ADAMTS12: variants seen among roughly 807,000 people sequenced by gnomAD.
The protein encoded by ADAMTS12 is ADAM metallopeptidase with thrombospondin type 1 motif 12.
ADAMTS12 carries 118 observed loss-of-function variants against 167.8 expected under a neutral mutation model. The ratio of observed to expected loss-of-function variants is 0.70; its 90% CI spans 0.61 to 0.82. The LOEUF (loss-of-function observed/expected upper bound fraction) is 0.82, where lower values mean the gene tolerates loss of function less well. ADAMTS12 is among the 40% of genes least tolerant of loss of function. The pLI is 0.00. For synonymous variants in ADAMTS12, 704 were observed against 716.9 expected, an observed-to-expected ratio of 0.98 and a Z score of 0.29; for missense variants, 1,916 against 1,998.8, an observed-to-expected ratio of 0.96 and a Z score of 0.79.
intron 17 of ADAMTS12, among the ~76,000 whole-genome samples, chr5:33,594,806 G>A (rs924858443): frequency 2.6e-5 from 4 of 152,154 alleles, no homozygotes; most frequent in African/African-American, 9.7e-5. Flanking sequence ...TCTGGGTCCT[G>A]CCTGTTTGGA....
chr5:33,752,905 A>C (rs371695087), intron 2 of ADAMTS12, among the ~76,000 whole-genome samples: 1 of 152,222 alleles, frequency 6.6e-6, no homozygotes, highest in African/African-American at 2.4e-5. Context: ...GTCTTTCCAA[A>C]ATGTTTGCTT....
chr5:33,622,679 A>G (rs1307821410), intron 14 of ADAMTS12, among the ~76,000 whole-genome samples: 1 of 152,170 alleles, frequency 6.6e-6, no homozygotes, highest in East Asian at 1.9e-4. Flanking sequence ...AACAAAAACG[A>G]AAAAACAGGT....
chr5:33,643,294 T>A (rs1740534227), intron 10 of ADAMTS12, 84 bp downstream of exon 10: 3 of 1,372,506 alleles, frequency 2.2e-6, no homozygotes, highest in Non-Finnish European at 2.1e-6. Flanking sequence ...TTAGAGAGAG[T>A]TGCCCTCTAG....
intron 18 of ADAMTS12, among the ~76,000 whole-genome samples, chr5:33,583,933 C>T (rs919716076): frequency 1.3e-5 from 2 of 152,142 alleles, no homozygotes; most frequent in Non-Finnish European, 2.9e-5. Flanking sequence ...GAAATTCCAA[C>T]AGAATGAGAA....
intron 3 of ADAMTS12, among the ~76,000 whole-genome samples, chr5:33,728,229 C>T (rs1048282437): frequency 1.3e-5 from 2 of 152,132 alleles, no homozygotes; most frequent in Non-Finnish European, 2.9e-5. Flanking sequence ...CATTATCCCA[C>T]TCGGGATGTT....
intron 16 of ADAMTS12, among the ~76,000 whole-genome samples, chr5:33,610,208 C>CA (rs60389855): frequency 9.2e-5 from 14 of 151,876 alleles, no homozygotes; most frequent in African/African-American, 3.4e-4. Flanking sequence ...ACAGCAACAA[C>CA]AAAAAAGAAA....
chr5:33,771,210 G>C (rs868782176), intron 2 of ADAMTS12, among the ~76,000 whole-genome samples: 1 of 152,130 alleles, frequency 6.6e-6, no homozygotes, highest in Non-Finnish European at 1.5e-5. Context: ...TGTCTGTTTA[G>C]TGATGACTGT....
chr5:33,890,676 G>C (rs138140134), intron 1 of ADAMTS12, among the ~76,000 whole-genome samples: 1 of 152,310 alleles, frequency 6.6e-6, no homozygotes, highest in East Asian at 1.9e-4. Context: ...TGCTAACCCA[G>C]TGCTCTGTGT....
rs980008327 is a variant in ADAMTS12 at position 33,587,766 on chromosome 5, C to T, written c.2865+833G>A. Among the ~76,000 whole-genome samples the T allele has an allele frequency of 5.9e-5, 9 of 152,188 alleles. 1 individual carries two copies. Among genetic ancestry groups the T allele is most frequent in the Admixed American group, 2.0e-4 (3 of 15,280 alleles). ...GTGGTAGCATTATCATGGAAGCATA[C>T]GGCTTCTCAAGGAAGCTCGTAAGAT... On this transcript the variant is annotated intron_variant, in intron 18 of 23. Coordinates refer to ENST00000504830, the MANE Select transcript of ADAMTS12 (RefSeq NM_030955.4).
chr5:33,542,697 G>A (rs1283695374), intron 22 of ADAMTS12, among the ~76,000 whole-genome samples: 2 of 152,152 alleles, frequency 1.3e-5, no homozygotes, highest in African/African-American at 4.8e-5. Context: ...TTAGAATTTA[G>A]GATTAAGAAA....
intron 5 of ADAMTS12, among the ~76,000 whole-genome samples, chr5:33,668,458 A>G (rs147420447): frequency 3.2e-4 from 48 of 152,248 alleles, no homozygotes; most frequent in African/African-American, 9.4e-4. Context: ...CTGTTCCTTG[A>G]TGACTGATCT....
At chr5:33,738,386 G>A (rs1302134220) in intron 3 of ADAMTS12, among the ~76,000 whole-genome samples, 6 of 152,184 alleles carry the variant, frequency 3.9e-5, no homozygotes, top group Non-Finnish European at 5.9e-5. Flanking sequence ...AATGCTAATA[G>A]CCGCTTTAGG....
chr5:33,707,337 TG>T, intron 3 of ADAMTS12, among the ~76,000 whole-genome samples: 1 of 151,740 alleles, frequency 6.6e-6, no homozygotes, highest in East Asian at 1.9e-4. Context: ...TCCATGCTCA[TG>T]GATAGGAAGA....
chr5:33,885,645 G>C (rs896175071), intron 1 of ADAMTS12, among the ~76,000 whole-genome samples: 1 of 152,208 alleles, frequency 6.6e-6, no homozygotes, highest in Non-Finnish European at 1.5e-5. Flanking sequence ...CATGATACAA[G>C]GCAGTCTGAC....
intron 5 of ADAMTS12, among the ~76,000 whole-genome samples, chr5:33,680,269 A>T (rs1283851183): frequency 6.6e-6 from 1 of 152,196 alleles, no homozygotes; most frequent in Non-Finnish European, 1.5e-5. Flanking sequence ...GCAGAGGCCA[A>T]TCAAGCTCCT....
At chr5:33,748,333 T>C (rs371221958) in intron 3 of ADAMTS12, among the ~76,000 whole-genome samples, 58 of 152,200 alleles carry the variant, frequency 3.8e-4, no homozygotes, top group African/African-American at 1.3e-3. Context: ...CTGTTTACCA[T>C]AGATTCTAGA....
chr5:33,739,675 T>A lies in ADAMTS12; in HGVS notation c.634+11729A>T, dbSNP rs541582516. ...AATGTTCTGACCCGTGATGATGAGC[T>A]AGACACATCCACTCAGTCATGACCC... On this transcript the variant is annotated intron_variant, in intron 3 of 23. Transcript: ENST00000504830. Among the ~76,000 whole-genome samples the A allele has an allele frequency of 1.2e-3, 184 of 152,316 alleles. 1 individual carries two copies. Among genetic ancestry groups the A allele is most frequent in the Non-Finnish European group, 2.2e-3 (147 of 68,034 alleles).
chr5:33,785,156 C>T (rs1312768679), intron 2 of ADAMTS12, among the ~76,000 whole-genome samples: 1 of 152,036 alleles, frequency 6.6e-6, no homozygotes, highest in Non-Finnish European at 1.5e-5. Context: ...TCTCATACCA[C>T]TCCCAAAAAT....
intron 22 of ADAMTS12, among the ~76,000 whole-genome samples, chr5:33,537,374 A>T (rs1744469927): frequency 6.6e-6 from 1 of 152,242 alleles, no homozygotes; most frequent in Admixed American, 6.5e-5. Flanking sequence ...CTTGTTCACT[A>T]GGAAATTCCT....
Sources: allele counts gnomAD v4.1 joint callset (sites outside exome capture counted in the v4.1 genomes callset), GRCh38; gene constraint gnomAD v4.1.1; transcripts MANE v1.5; gene names NCBI Gene and HGNC (gene_info 2026-07-23, HGNC 2026-07-21).